Variants in USP43 observed in about 807,000 individuals in gnomAD.
USP43 encodes the protein ubiquitin carboxyl-terminal hydrolase 43.
Under a neutral mutation model 90.7 loss-of-function variants are expected in USP43, and 33 were observed. The observed-to-expected ratio is 0.36, with a 90% CI of 0.28 to 0.49. The LOEUF (loss-of-function observed/expected upper bound fraction) is 0.49, where lower values mean the gene tolerates loss of function less well. Among genes scored for constraint, USP43 ranks in the 20% least tolerant of loss-of-function variants. USP43 has a pLI of 0.98. For synonymous variants in USP43, 598 were observed against 615.8 expected, an observed-to-expected ratio of 0.97 and a Z score of 0.43; for missense variants, 1,274 against 1,476.4, an observed-to-expected ratio of 0.86 and a Z score of 2.25.
chr17:9,661,787 C>T (rs571697542), intron 2 of USP43, among the ~76,000 whole-genome samples: 21 of 141,652 alleles, frequency 1.5e-4, no homozygotes, highest in African/African-American at 4.1e-4. Context: ...CCCCTCACTC[C>T]AGCCTCTTTC....
intron 1 of USP43, chr17:9,647,466 T>G (rs1911515824): frequency 6.6e-6 from 1 of 152,216 alleles, no homozygotes; most frequent in Admixed American, 6.5e-5. Context: ...GTGCCGCAAC[T>G]TTCTTCATCT....
chr17:9,708,821 G>T (rs538203965), intron 12 of USP43, among the ~76,000 whole-genome samples: 1 of 152,070 alleles, frequency 6.6e-6, no homozygotes, highest in Non-Finnish European at 1.5e-5. Flanking sequence ...TAGAGACGGG[G>T]TTTCACCATG....
At chr17:9,706,492 T>G (rs374754436) in intron 12 of USP43, among the ~76,000 whole-genome samples, 6 of 152,080 alleles carry the variant, frequency 3.9e-5, no homozygotes, top group African/African-American at 1.4e-4. Flanking sequence ...ATTTAAATCC[T>G]TGATTTGGAG....
intron 14 of USP43, 22 bp downstream of exon 14, chr17:9,712,154 G>C: frequency 6.5e-7 from 1 of 1,529,520 alleles, no homozygotes; most frequent in Non-Finnish European, 8.8e-7. Flanking sequence ...AAATGTGCTT[G>C]GTTGATTTTC....
At chr17:9,679,529 T>TC (rs1914020262) in intron 5 of USP43, among the ~76,000 whole-genome samples, 1 of 145,008 alleles carries the variant, frequency 6.9e-6, no homozygotes, top group African/African-American at 2.6e-5. Flanking sequence ...TTTTTTTTTT[T>TC]TTTTTTTTTT....
Position 9,654,186 on chromosome 17 carries a change from A to C in USP43, c.505-2217A>C, listed in dbSNP as rs548551076. ...CCCAGCTGACTTTTAATTGCAGATA[A>C]AAATTGAATAACTTTTTAGTGTAAA... On this transcript the variant is annotated intron_variant, in intron 1 of 14. Coordinates refer to ENST00000285199, the MANE Select transcript of USP43 (RefSeq NM_153210.5). 5.3e-5 allele frequency among the ~76,000 whole-genome samples: 8 copies of C among 152,350 alleles called. No individual in the cohort carries two copies. In the South Asian group the frequency reaches 8.3e-4, roughly 16 times the overall value.
At position 9,728,736 on chromosome 17, in the gene USP43, G is replaced by A. The variant is rs1206884376; in HGVS notation, c.3118G>A (p.Gly1040Ser). ...CCCTGCCATGGACGGGCAGGCTCCA[G>A]GCTCACCTCCTGCCCTCAGGATCCC... ...LSPAMDGQAP[G>S]SPPALRIPEG... Residue 1040 changes from glycine to serine, a missense_variant, in exon 15 of 15, where the codon GGC (glycine) becomes AGC (serine). By Grantham distance (56) the Gly-to-Ser change is moderately conservative. This residue lies in a region of USP43 where 353 missense variants were observed against 329.7 expected (regional missense o/e 1.07). Coordinates refer to ENST00000285199, the MANE Select transcript of USP43 (RefSeq NM_153210.5). This position sits in a 1 kb window ranked among gnomAD's most constrained non-coding sequence, Gnocchi z 6.2. 5 of 1,601,244 alleles carry A rather than the reference G, an allele frequency of 3.1e-6. No homozygotes were observed. Among genetic ancestry groups the A allele is most frequent in the Non-Finnish European group, 4.3e-6 (5 of 1,174,374 alleles).
Position 9,666,706 on chromosome 17 carries a change from C to T in USP43, c.695C>T (p.Pro232Leu), listed in dbSNP as rs747695218. 4 of 1,613,452 alleles carry T rather than the reference C, an allele frequency of 2.5e-6. No individual in the cohort carries two copies. Among genetic ancestry groups the T allele is most frequent in the Admixed American group, 1.7e-5 (1 of 59,958 alleles). The part of the protein sequence containing the change: ...ENCLSPSAQL[P>L]LGQSFVQSHF... ...TGCCTGTCACCATCAGCTCAGCTTC[C>T]TCTAGGTCAAAGCTTTGTGCAAAGC... Residue 232 changes from proline to leucine, a missense_variant, in exon 3 of 15, where the codon CCT becomes CTT. Coordinates refer to ENST00000285199, the MANE Select transcript of USP43 (RefSeq NM_153210.5).
In USP43 at chr17:9,645,527, C is replaced by G. The variant is rs1306001654; in HGVS notation, c.-106C>G. 9.5e-7 allele frequency: 1 copy of G among 1,056,152 alleles called. No homozygotes were observed. Among genetic ancestry groups the G allele is most frequent in the Non-Finnish European group, 1.2e-6 (1 of 854,266 alleles). The allele number at this position is 1,056,152 out of a possible 1,614,324, so 65.4% of individuals were successfully genotyped here. On this transcript the variant is annotated 5_prime_UTR_variant, in exon 1 of 15. Transcript: ENST00000285199. This position sits in a 1 kb window ranked among gnomAD's most constrained non-coding sequence, Gnocchi z 6.8. ...CCGCCCCGTCCCCGCACACCTGGCC[C>G]GCAGGTAGCCGGCACCAGGAGCCTT... is the stretch of plus-strand genomic sequence containing the variant.
At chr17:9,655,280 G>T (rs1912162869) in intron 1 of USP43, among the ~76,000 whole-genome samples, 1 of 152,132 alleles carries the variant, frequency 6.6e-6, no homozygotes, top group Non-Finnish European at 1.5e-5. Flanking sequence ...CGTGCTGTGT[G>T]CATGTGCATG....
chr17:9,695,000 A>G (rs903268351), intron 9 of USP43, among the ~76,000 whole-genome samples: 1 of 152,170 alleles, frequency 6.6e-6, no homozygotes, highest in African/African-American at 2.4e-5. Flanking sequence ...TACCATAGGT[A>G]GTTTGAGAAG....
rs1597868717 is a variant in USP43, at chr17:9,701,007, G to A, written c.1536-112G>A. On this transcript the variant is annotated intron_variant, in intron 10 of 14. Coordinates refer to ENST00000285199, the MANE Select transcript of USP43 (RefSeq NM_153210.5). The surrounding 1 kb of genome is among the most constrained non-coding windows in gnomAD (Gnocchi z 7.2). ...TCCAGGAACCCATAGGCAGGGCACG[G>A]TAGTGTGGCCTGGCCAATGTCTGCT... 15 of 1,334,422 alleles carry A rather than the reference G, an allele frequency of 1.1e-5. No homozygotes were observed. The Admixed American group carries it at 1.6e-4, about 15-fold the overall frequency. 82.7% of individuals were successfully genotyped at this position (1,334,422 alleles called of 1,614,324 possible).
chr17:9,721,265 T>C (rs151052316), intron 14 of USP43, among the ~76,000 whole-genome samples: 5 of 152,342 alleles, frequency 3.3e-5, no homozygotes, highest in Non-Finnish European at 7.3e-5. Context: ...TCTATGGCTT[T>C]TATTGGGCCT....
chr17:9,701,831 C>T lies in USP43; in HGVS notation c.2011+131C>T, dbSNP rs1392984646. 2.6e-6 allele frequency: 2 copies of T among 758,736 alleles called. No homozygotes were observed. The highest frequency in any genetic ancestry group is 5.5e-5 in the East Asian group (2 of 36,132). 47.0% of individuals were successfully genotyped at this position (758,736 alleles called of 1,614,324 possible). ...GATCCGACCCCTCACCCACCGCACACCAGGAAGATGAGGATGAGGAAAACA... is the reference window on the plus strand; with the variant it reads ...GATCCGACCCCTCACCCACCGCACATCAGGAAGATGAGGATGAGGAAAACA... On this transcript the variant is annotated intron_variant, in intron 12 of 14. Coordinates refer to ENST00000285199, the MANE Select transcript of USP43 (RefSeq NM_153210.5). This position sits in a 1 kb window ranked among gnomAD's most constrained non-coding sequence, Gnocchi z 7.2.
At chr17:9,710,664 T>C (rs687206) in intron 13 of USP43, among the ~76,000 whole-genome samples, 54,242 of 151,298 alleles carry the variant, frequency 0.36, 11,144 homozygotes, top group African/African-American at 0.58. Context: ...GCCACCACCA[T>C]GCCCAGCTAA....
chr17:9,723,326 A>T (rs1567685841), intron 14 of USP43, among the ~76,000 whole-genome samples: 1 of 152,042 alleles, frequency 6.6e-6, no homozygotes, highest in Non-Finnish European at 1.5e-5. Context: ...CCTTACCTAG[A>T]ACTTGGGGGT....
At chr17:9,668,361 G>A (rs1056373278) in intron 3 of USP43, among the ~76,000 whole-genome samples, 3 of 152,112 alleles carry the variant, frequency 2.0e-5, no homozygotes, top group African/African-American at 7.2e-5. Context: ...CTTTGTGTTT[G>A]CACAGCAAGA....
At chr17:9,726,729 C>A (rs1207517063) in intron 14 of USP43, among the ~76,000 whole-genome samples, 3 of 152,172 alleles carry the variant, frequency 2.0e-5, no homozygotes, top group African/African-American at 7.2e-5. Flanking sequence ...CAGTCCATAG[C>A]ACCCTCAAAC....
At chr17:9,692,755 T>C (rs554352564) in intron 8 of USP43, among the ~76,000 whole-genome samples, 3 of 152,364 alleles carry the variant, frequency 2.0e-5, no homozygotes, top group South Asian at 4.1e-4. Flanking sequence ...ATTGTGGGGA[T>C]GATAATCATC....
Sources: gnomAD v4.1 joint callset for allele counts (sites outside exome capture counted in the v4.1 genomes callset) on GRCh38, gnomAD v4.1.1 for gene constraint, gnomAD v4.1.1 regional missense constraint, Gnocchi (gnomAD v3.1) non-coding constraint, MANE v1.5 for transcripts, NCBI Gene and HGNC (gene_info 2026-07-23, HGNC 2026-07-21) for gene names.